Variants in SASH1 observed in about 807,000 individuals in gnomAD.
SASH1 encodes SAM and SH3 domain-containing protein 1.
In SASH1, 44 loss-of-function variants were observed where a neutral mutation model predicts 125.2. The ratio of observed to expected loss-of-function variants is 0.35; its 90% CI spans 0.28 to 0.45. The LOEUF (loss-of-function observed/expected upper bound fraction) is 0.45, where lower values mean the gene tolerates loss of function less well. SASH1 is among the 20% of genes least tolerant of loss of function. SASH1 has a pLI of 1.00. For synonymous variants in SASH1, 639 were observed against 649.1 expected (o/e 0.98, Z 0.24); for missense variants, 1,426 against 1,614.5 (o/e 0.88, Z 2.00).
At chr6:148,306,710 C>T (rs1780138200) in intron 1 of SASH1, among the ~76,000 whole-genome samples, 1 of 152,198 alleles carries the variant, frequency 6.6e-6, no homozygotes, top group South Asian at 2.1e-4. Flanking sequence ...GAGACAGGGT[C>T]AGGTTTTCTT....
intron 12 of SASH1, among the ~76,000 whole-genome samples, chr6:148,528,215 C>T (rs1781306567): frequency 6.6e-6 from 1 of 152,038 alleles, no homozygotes; most frequent in African/African-American, 2.4e-5. Flanking sequence ...AGAGAAATGA[C>T]TGTTTCTGTC....
intron 11 of SASH1, among the ~76,000 whole-genome samples, chr6:148,527,043 T>G (rs1235211002): frequency 6.6e-6 from 1 of 152,038 alleles, no homozygotes; most frequent in Non-Finnish European, 1.5e-5. Context: ...CAGCTAATTT[T>G]TTGTATTTTT....
At chr6:148,213,505 G>GGGGTGTGTGTGTGTGTGTGTGT in the SASH1 span, among the ~76,000 whole-genome samples, 1 of 148,352 alleles carries the variant, frequency 6.7e-6, no homozygotes, top group Non-Finnish European at 1.5e-5. Context: ...CTAGCCAAAG[G>GGGGTGTGTGTGTGTGTGTGTGT]GTGTGTGTGT....
At chr6:148,386,890 G>A (rs1456539713) in intron 1 of SASH1, among the ~76,000 whole-genome samples, 1 of 152,142 alleles carries the variant, frequency 6.6e-6, no homozygotes, top group Non-Finnish European at 1.5e-5. Context: ...AGGGTGAACA[G>A]GGATGGTGAG....
At chr6:148,491,204 T>G (rs745560362) in intron 8 of SASH1, among the ~76,000 whole-genome samples, 2 of 152,246 alleles carry the variant, frequency 1.3e-5, no homozygotes, top group Non-Finnish European at 2.9e-5. Flanking sequence ...CTGTATTCTT[T>G]GTCTCTCCAA....
upstream of SASH1, among the ~76,000 whole-genome samples, chr6:148,341,278 TG>T (rs1296152761): frequency 6.6e-6 from 1 of 151,456 alleles, no homozygotes; most frequent in East Asian, 1.9e-4. Context: ...CCTGAGTAGC[TG>T]GGATTACAGG....
At chr6:148,400,191 G>A (rs1668658550) in intron 2 of SASH1, among the ~76,000 whole-genome samples, 1 of 152,202 alleles carries the variant, frequency 6.6e-6, no homozygotes, top group Non-Finnish European at 1.5e-5. Flanking sequence ...ATTTGAGACT[G>A]TAGGAGATGA....
intron 2 of SASH1, among the ~76,000 whole-genome samples, chr6:148,403,706 A>AT (rs1207866136): frequency 4.0e-5 from 6 of 151,754 alleles, no homozygotes; most frequent in Middle Eastern, 3.2e-3. Flanking sequence ...TGATTTTTGT[A>AT]TTTTTAGTAG....
intron 1 of SASH1, among the ~76,000 whole-genome samples, chr6:148,378,357 ATT>A (rs397888480): frequency 9.0e-5 from 12 of 133,984 alleles, no homozygotes; most frequent in Admixed American, 7.5e-5. Context: ...CCCGGCCACA[ATT>A]TTTTTTTTTT....
the SASH1 span, among the ~76,000 whole-genome samples, chr6:148,257,143 A>G: frequency 6.6e-6 from 1 of 152,184 alleles, no homozygotes; most frequent in Non-Finnish European, 1.5e-5. Flanking sequence ...TCTGAGAGGT[A>G]GCAGGATTCT....
chr6:148,199,810 AAG>A, the SASH1 span, among the ~76,000 whole-genome samples: 2 of 151,842 alleles, frequency 1.3e-5, no homozygotes, highest in East Asian at 1.9e-4. Flanking sequence ...GAGAAAGAAA[AAG>A]AGAGAGAGAA....
chr6:148,424,415 G>A (rs1388950086), intron 2 of SASH1, among the ~76,000 whole-genome samples: 1 of 151,960 alleles, frequency 6.6e-6, no homozygotes, highest in South Asian at 2.1e-4. Context: ...TAGTAGAGAC[G>A]GGGTTTCACC....
At chr6:148,441,024 AAAAC>A (rs1466936401) in intron 4 of SASH1, among the ~76,000 whole-genome samples, 4 of 152,248 alleles carry the variant, frequency 2.6e-5, no homozygotes, top group Admixed American at 2.6e-4. Flanking sequence ...AAATAAGACA[AAAAC>A]AAGAGAATCT....
At chr6:148,337,804 A>G (rs1781204911) in intron 1 of SASH1, among the ~76,000 whole-genome samples, 1 of 152,272 alleles carries the variant, frequency 6.6e-6, no homozygotes, top group Non-Finnish European at 1.5e-5. Context: ...TTGCTAAATT[A>G]TCAACATTCT....
intron 1 of SASH1, chr6:148,283,481 G>C (rs911348906): frequency 6.6e-6 from 1 of 152,004 alleles, no homozygotes; most frequent in Non-Finnish European, 1.5e-5. Flanking sequence ...GAAAGAACAA[G>C]AGTATTCCGG....
chr6:148,488,658 CTTG>C (rs542366583), intron 8 of SASH1, among the ~76,000 whole-genome samples: 3 of 152,188 alleles, frequency 2.0e-5, no homozygotes, highest in Admixed American at 6.5e-5. Flanking sequence ...CTCATCAACA[CTTG>C]TTGTTTTACT....
At chr6:148,213,358 G>A in the SASH1 span, among the ~76,000 whole-genome samples, 4 of 151,966 alleles carry the variant, frequency 2.6e-5, no homozygotes, top group South Asian at 2.1e-4. Flanking sequence ...TGTATTCTCC[G>A]CTTTTATGGA....
chr6:148,349,252 C>CTT lies in SASH1; in HGVS notation c.156+6057_156+6058dup, dbSNP rs11317386. Among the ~76,000 whole-genome samples, 166 of 47,018 alleles carry CTT rather than the reference C, an allele frequency of 3.5e-3. 14 individuals are homozygous for CTT. The highest frequency in any genetic ancestry group is 0.011 in the African/African-American group (131 of 11,732). The allele number at this position is 47,018 out of a possible 152,430, so 30.8% of individuals were successfully genotyped here. On this transcript the variant is annotated intron_variant, in intron 1 of 19. Coordinates refer to ENST00000367467, the MANE Select transcript of SASH1 (RefSeq NM_015278.5). ...TTATTTCATTCTTTCTTCTTTCTTT[C>CTT]TTTTTTTTTTTTTTTTTTTTTTTTT...
intron 1 of SASH1, among the ~76,000 whole-genome samples, chr6:148,359,991 C>G (rs566868126): frequency 1.3e-5 from 2 of 152,290 alleles, no homozygotes; most frequent in African/African-American, 4.8e-5. Flanking sequence ...ATCTCCTGAC[C>G]TTGTGATCCA....
Sources: allele counts gnomAD v4.1 joint callset (sites outside exome capture counted in the v4.1 genomes callset), GRCh38; gene constraint gnomAD v4.1.1; transcripts MANE v1.5; gene names NCBI Gene and HGNC (gene_info 2026-07-23, HGNC 2026-07-21).